The following RBL2 variants were observed in gnomAD, a reference collection of about 807,000 sequenced individuals.
The protein encoded by RBL2 is RB transcriptional corepressor like 2.
In RBL2, 56 loss-of-function variants were observed where a neutral mutation model predicts 126.0. The observed-to-expected ratio is 0.44, with a 90% confidence interval of 0.36 to 0.56. The LOEUF is 0.56. Among genes scored for constraint, RBL2 ranks in the 20% least tolerant of loss-of-function variants. The probability of loss-of-function intolerance (pLI) is 0.00; values close to 1 mark genes in which losing one functional copy is unlikely to be tolerated. For synonymous variants in RBL2, 454 were observed against 478.5 expected, an observed-to-expected ratio of 0.95 and a Z score of 0.67; for missense variants, 1,229 against 1,398.2, an observed-to-expected ratio of 0.88 and a Z score of 1.93.
chr16:53,464,559 A>G, intron 12 of RBL2, 196 bp downstream of exon 12: 1 of 443,142 alleles, frequency 2.3e-6, no homozygotes. Flanking sequence ...TGAAAGATCT[A>G]TTTTGGGTAA....
At chr16:53,482,052 G>C (rs1376888524) in intron 21 of RBL2, among the ~76,000 whole-genome samples, 1 of 152,094 alleles carries the variant, frequency 6.6e-6, no homozygotes, top group Non-Finnish European at 1.5e-5. Context: ...CAGGGTAAGG[G>C]ATTTGGATTT....
At chr16:53,463,797 C>T (rs941498823) in intron 11 of RBL2, among the ~76,000 whole-genome samples, 1 of 151,886 alleles carries the variant, frequency 6.6e-6, no homozygotes, top group African/African-American at 2.4e-5. Flanking sequence ...AAACTCCTGA[C>T]GTCAGGTGAT....
intron 21 of RBL2, among the ~76,000 whole-genome samples, chr16:53,483,274 A>G (rs1755258131): frequency 6.6e-6 from 1 of 152,160 alleles, no homozygotes; most frequent in African/African-American, 2.4e-5. Flanking sequence ...AAGTTGAGGA[A>G]AACAGTCCGG....
At chr16:53,465,352 C>G (rs1011749822) in intron 12 of RBL2, 86 bp from the exon 13 acceptor site, 4 of 922,036 alleles carry the variant, frequency 4.3e-6, no homozygotes, top group South Asian at 8.9e-5. Context: ...AATAATACTT[C>G]AACTTGTAAT....
chr16:53,474,409 C>G (rs916390531), intron 17 of RBL2, among the ~76,000 whole-genome samples: 8 of 152,070 alleles, frequency 5.3e-5, no homozygotes, highest in African/African-American at 1.7e-4. Flanking sequence ...CTCCGCCTCC[C>G]AGGTTCAAGC....
chr16:53,458,879 GC>G (rs2058193202), intron 8 of RBL2, among the ~76,000 whole-genome samples: 1 of 152,318 alleles, frequency 6.6e-6, no homozygotes, highest in South Asian at 2.1e-4. Flanking sequence ...CCCACTGGGT[GC>G]CTCACACAGC....
At chr16:53,459,222 A>AT (rs1157973048) in intron 8 of RBL2, among the ~76,000 whole-genome samples, 1 of 152,164 alleles carries the variant, frequency 6.6e-6, no homozygotes, top group Non-Finnish European at 1.5e-5. Flanking sequence ...TAAAATACAA[A>AT]TTATTCTTTC....
At chr16:53,442,926 G>GT (rs887232156) in intron 3 of RBL2, 68 bp downstream of exon 3, 29,406 of 945,128 alleles carry the variant, frequency 0.031, 31 homozygotes, top group African/African-American at 0.04. Flanking sequence ...ATTCTGCTAG[G>GT]TTTTTTTTTT....
chr16:53,465,484 T>C lies in RBL2; in HGVS notation c.1745T>C (p.Val582Ala). 2 of 1,589,286 alleles carry C rather than the reference T, an allele frequency of 1.3e-6. No individual in the cohort carries two copies. Among genetic ancestry groups the C allele is most frequent in the South Asian group, 1.2e-5 (1 of 86,248 alleles). The change falls in exon 13 of 22, where the codon GTG becomes GCG. Residue 582 changes from valine (V) to alanine (A), a missense_variant. Transcript: ENST00000262133. ...IRAEDGLCRE[V>A]VKHLNQIEEQ... ...GCAGAAGATGGCCTTTGTAGAGAGG[T>C]GGTAAAACACCTTAATCAGATTGAA...
intron 14 of RBL2, among the ~76,000 whole-genome samples, chr16:53,467,440 T>G (rs1029029626): frequency 2.0e-5 from 3 of 152,176 alleles, no homozygotes; most frequent in Non-Finnish European, 4.4e-5. Flanking sequence ...CAAGCTGGAG[T>G]GCAGTGGCCC....
At chr16:53,448,348 G>A (rs771022634) in intron 4 of RBL2, among the ~76,000 whole-genome samples, 23 of 152,040 alleles carry the variant, frequency 1.5e-4, no homozygotes, top group East Asian at 1.9e-4. Flanking sequence ...TAGTAGAGAC[G>A]GAGTTTCACC....
In RBL2 at chr16:53,465,597, G is replaced by A; in HGVS notation, c.1858G>A (p.Glu620Lys). The A allele has an allele frequency of 6.4e-7, 1 of 1,568,518 alleles. No individual in the cohort carries two copies. The highest frequency in any genetic ancestry group is 8.6e-7 in the Non-Finnish European group (1 of 1,162,894). The change falls in exon 13 of 22, where the codon GAA becomes AAA. Residue 620 changes from glutamate (E) to lysine (K), a missense_variant. Physicochemically the swap from Glu to Lys is moderately conservative, Grantham distance 56. Coordinates refer to ENST00000262133, the MANE Select transcript of RBL2 (RefSeq NM_005611.4). ...CAATGAAAACAGAGTTCCTACATGT[G>A]AAGAGGTTTGTGAAAATAACATCTT... ...RDNENRVPTC[E>K]EVMPPQNLER...
At position 53,470,508 on chromosome 16, in the gene RBL2, T is replaced by C. The variant is rs1395971546; in HGVS notation, c.2371T>C (p.Ser791Pro). 1 of 1,614,108 alleles carries C rather than the reference T, an allele frequency of 6.2e-7. No homozygotes were observed. Among genetic ancestry groups the C allele is most frequent in the Admixed American group, 1.7e-5 (1 of 59,998 alleles). Residue 791 changes from serine to proline, a missense_variant, in exon 16 of 22, where the codon TCT becomes CCT. Ser to Pro is a moderately conservative substitution (Grantham distance 74). Around this residue, in one of 2 missense-constraint regions of RBL2, gnomAD observed 1,070 missense variants for 1,274.3 expected, o/e 0.84. Transcript: ENST00000262133. ...SAQALAGSLS[S>P]QQVTGTTLQV... ...TCAGGCCCTGGCTGGAAGTCTGAGC[T>C]CTCAACAGGTGACAGGAACAACTTT...
intron 21 of RBL2, among the ~76,000 whole-genome samples, chr16:53,483,461 C>T (rs1205539418): frequency 6.6e-6 from 1 of 152,122 alleles, no homozygotes; most frequent in African/African-American, 2.4e-5. Context: ...GAGGCTGAGC[C>T]CAAGAGTTCA....
At position 53,448,347 on chromosome 16, in the gene RBL2, C is replaced by CG. The variant is rs2058083630; in HGVS notation, c.637+1243dup. On this transcript the variant is annotated intron_variant, in intron 4 of 21. Transcript: ENST00000262133. Reference sequence around the variant, plus strand: ...AATTTTTTGTAGTTTTTAGTAGAGACGGAGTTTCACCATCTTGGCCAGGCT... The same window carrying CG: ...AATTTTTTGTAGTTTTTAGTAGAGACGGGAGTTTCACCATCTTGGCCAGGCT... Among the ~76,000 whole-genome samples the CG allele has an allele frequency of 4.0e-5, 6 of 151,738 alleles. No homozygotes were observed. The South Asian group carries it at 1.0e-3, about 26-fold the overall frequency.
chr16:53,437,584 G>A (rs1401190719), intron 1 of RBL2, among the ~76,000 whole-genome samples: 1 of 152,154 alleles, frequency 6.6e-6, no homozygotes, highest in African/African-American at 2.4e-5. Context: ...ATATCTGGTA[G>A]TGGATCCACA....
rs2058028021 is a variant in RBL2 at position 53,442,737 on chromosome 16, A to G, written c.451A>G (p.Arg151Gly). ...LPPHFRERTE[R>G]LERNFTVSAV... ...CCCACATTTCAGAGAACGTACTGAGAGATTAGAAAGAAACTTCACTGTTTC... is the reference window on the plus strand; with the variant it reads ...CCCACATTTCAGAGAACGTACTGAGGGATTAGAAAGAAACTTCACTGTTTC... Residue 151 changes from arginine (R) to glycine (G), a missense_variant, in exon 3 of 22, where the codon AGA (arginine) becomes GGA (glycine). Coordinates refer to ENST00000262133, the MANE Select transcript of RBL2 (RefSeq NM_005611.4). 1.2e-6 allele frequency: 2 copies of G among 1,613,516 alleles called. No homozygotes were observed. Among genetic ancestry groups the G allele is most frequent in the East Asian group, 2.2e-5 (1 of 44,882 alleles).
chr16:53,464,635 G>C (rs2058254235), intron 12 of RBL2: 2 of 255,882 alleles, frequency 7.8e-6, no homozygotes, highest in South Asian at 1.3e-4. Flanking sequence ...AGCTGAGAAG[G>C]CTTAAAAAAA....
intron 21 of RBL2, among the ~76,000 whole-genome samples, chr16:53,482,930 A>C (rs1234969117): frequency 6.6e-6 from 1 of 152,154 alleles, no homozygotes; most frequent in Non-Finnish European, 1.5e-5. Flanking sequence ...GACTAGGGAG[A>C]CACGACATCC....
Sources: gnomAD v4.1 joint callset for allele counts (sites outside exome capture counted in the v4.1 genomes callset) on GRCh38, gnomAD v4.1.1 for gene constraint, gnomAD v4.1.1 regional missense constraint, MANE v1.5 for transcripts, NCBI Gene and HGNC (gene_info 2026-07-23, HGNC 2026-07-21) for gene names.